PCBP3: variants seen among roughly 807,000 people sequenced by gnomAD.
The protein encoded by PCBP3 is poly(rC)-binding protein 3.
Under a neutral mutation model 52.7 loss-of-function variants are expected in PCBP3, and 25 were observed. The observed-to-expected ratio is 0.47, with a 90% CI of 0.35 to 0.66. The LOEUF (loss-of-function observed/expected upper bound fraction) is 0.66, where lower values mean the gene tolerates loss of function less well. Ranked by LOEUF, PCBP3 falls within the 30% of genes least tolerant of loss-of-function variation. The pLI, the probability that PCBP3 is intolerant of heterozygous loss-of-function variation, is 0.01. For missense variants in PCBP3, 391 were observed against 490.3 expected, an observed-to-expected ratio of 0.80 and a Z score of 1.91; for synonymous variants, 162 against 183.0, an observed-to-expected ratio of 0.89 and a Z score of 0.93.
intron 3 of PCBP3, among the ~76,000 whole-genome samples, chr21:45,740,652 T>C (rs1603361115): frequency 6.6e-6 from 1 of 151,182 alleles, no homozygotes; most frequent in Admixed American, 6.6e-5. Flanking sequence ...TGTGTGTGCA[T>C]GTGTATTTAC....
chr21:45,857,475 C>A (rs2094345516), intron 5 of PCBP3, among the ~76,000 whole-genome samples: 1 of 152,170 alleles, frequency 6.6e-6, no homozygotes, highest in South Asian at 2.1e-4. Flanking sequence ...GCCTGCAGAA[C>A]CCTGAGCCAG....
At chr21:45,771,949 C>T (rs1341463407) in intron 4 of PCBP3, among the ~76,000 whole-genome samples, 1 of 152,080 alleles carries the variant, frequency 6.6e-6, no homozygotes, top group Admixed American at 6.5e-5. Flanking sequence ...ATCTGTATAC[C>T]AGCAACAAAT....
chr21:45,805,671 G>A lies in PCBP3; in HGVS notation c.-125-44290G>A, dbSNP rs1486149350. On this transcript the variant is annotated intron_variant, in intron 4 of 17. Coordinates refer to ENST00000681687, the MANE Select transcript of PCBP3 (RefSeq NM_001384156.1). The surrounding 1 kb of genome is among the most constrained non-coding windows in gnomAD (Gnocchi z 4.6). ...CATTTTCACAGGGAGAGTGTGACTG[G>A]AAGGACCAGCCGTTGCTGCTGGCAG... Among the ~76,000 whole-genome samples, 2 of 152,232 alleles carry A rather than the reference G, an allele frequency of 1.3e-5. No individual in the cohort carries two copies. Among genetic ancestry groups the A allele is most frequent in the Non-Finnish European group, 2.9e-5 (2 of 68,042 alleles).
intron 1 of PCBP3, among the ~76,000 whole-genome samples, chr21:45,660,306 C>T (rs1569086836): frequency 6.6e-6 from 1 of 151,948 alleles, no homozygotes; most frequent in African/African-American, 2.4e-5. Flanking sequence ...CCTTTGGTTA[C>T]TGTTTGCATT....
intron 2 of PCBP3, among the ~76,000 whole-genome samples, chr21:45,678,535 G>A (rs1249213677): frequency 6.6e-6 from 1 of 151,906 alleles, no homozygotes; most frequent in Non-Finnish European, 1.5e-5. Flanking sequence ...TGCCTTTAAG[G>A]GGTTCCATCC....
chr21:45,659,337 CT>C (rs36113182), intron 1 of PCBP3, among the ~76,000 whole-genome samples: 993 of 78,680 alleles, frequency 0.013, 8 homozygotes, highest in African/African-American at 0.04. Flanking sequence ...TTTTACTTTC[CT>C]TTTTTTTTTT....
At chr21:45,798,690 C>T (rs556546313) in intron 4 of PCBP3, among the ~76,000 whole-genome samples, 18 of 149,366 alleles carry the variant, frequency 1.2e-4, no homozygotes, top group Admixed American at 2.7e-4. Context: ...TGGATGAATG[C>T]ATGGATCTGT....
At chr21:45,906,246 G>C (rs2096200918) in intron 9 of PCBP3, among the ~76,000 whole-genome samples, 1 of 152,190 alleles carries the variant, frequency 6.6e-6, no homozygotes, top group South Asian at 2.1e-4. Flanking sequence ...CAGCAAAGTT[G>C]TGTTTCGGTT....
At chr21:45,898,176 G>A (rs747658465) in intron 6 of PCBP3, among the ~76,000 whole-genome samples, 1 of 152,174 alleles carries the variant, frequency 6.6e-6, no homozygotes, top group Admixed American at 6.5e-5. Flanking sequence ...CCAGGTGCAC[G>A]GCCCCATCTC....
At chr21:45,883,632 T>A (rs1296712293) in intron 5 of PCBP3, among the ~76,000 whole-genome samples, 6 of 152,240 alleles carry the variant, frequency 3.9e-5, no homozygotes, top group Non-Finnish European at 7.3e-5. Flanking sequence ...TTATGTAATG[T>A]CCTTCTCTGT....
chr21:45,905,532 T>G (rs540716113), intron 9 of PCBP3, among the ~76,000 whole-genome samples: 27 of 152,238 alleles, frequency 1.8e-4, no homozygotes, highest in Non-Finnish European at 3.4e-4. Flanking sequence ...GGGCTGCCAT[T>G]GCAAAATGCC....
intron 5 of PCBP3, chr21:45,870,873 C>CA (rs1385701743): frequency 6.5e-6 from 1 of 153,178 alleles, no homozygotes; most frequent in African/African-American, 2.4e-5. Context: ...CTTCTTAGGA[C>CA]AGGGAAGTCA....
chr21:45,860,112 C>T lies in PCBP3; in HGVS notation c.10+10017C>T, dbSNP rs570730066. ...AACCTCCTGGACTTCAGTGGGTAACCGAAGGCTCCAGCACGCAGCTTCAGA... is the reference window on the plus strand; with the variant it reads ...AACCTCCTGGACTTCAGTGGGTAACTGAAGGCTCCAGCACGCAGCTTCAGA... On this transcript the variant is annotated intron_variant, in intron 5 of 17. Coordinates refer to ENST00000681687, the MANE Select transcript of PCBP3 (RefSeq NM_001384156.1). Among the ~76,000 whole-genome samples, 951 of 152,252 alleles carry T rather than the reference C, an allele frequency of 6.2e-3. 7 individuals are homozygous for T. Among genetic ancestry groups the T allele is most frequent in the Non-Finnish European group, 8.9e-3 (603 of 68,024 alleles).
intron 5 of PCBP3, among the ~76,000 whole-genome samples, chr21:45,886,625 A>G (rs1327147927): frequency 7.3e-5 from 1 of 13,684 alleles, no homozygotes; most frequent in African/African-American, 3.4e-4. Context: ...AGGAGGCCTC[A>G]TTGCCCCGGG....
chr21:45,793,262 A>T (rs2091726252), intron 4 of PCBP3, among the ~76,000 whole-genome samples: 1 of 152,214 alleles, frequency 6.6e-6, no homozygotes, highest in Non-Finnish European at 1.5e-5. Context: ...CAGAATGGGC[A>T]GCATGAAGAG....
chr21:45,727,997 T>C (rs1188940510), intron 2 of PCBP3, among the ~76,000 whole-genome samples: 1 of 152,206 alleles, frequency 6.6e-6, no homozygotes, highest in Non-Finnish European at 1.5e-5. Context: ...TCCCATTTTG[T>C]TCTCTTTTTC....
chr21:45,707,321 G>C (rs2083514263), intron 2 of PCBP3, among the ~76,000 whole-genome samples: 1 of 152,024 alleles, frequency 6.6e-6, no homozygotes, highest in Non-Finnish European at 1.5e-5. Context: ...TTCAAGACCA[G>C]CCTGGTTAAC....
chr21:45,868,402 T>C (rs2094842094), intron 5 of PCBP3, among the ~76,000 whole-genome samples: 2 of 145,032 alleles, frequency 1.4e-5, no homozygotes, highest in Non-Finnish European at 3.0e-5. Context: ...TTGTGTTGAC[T>C]TATTTGTTCT....
At chr21:45,745,689 C>G (rs1048839960) in intron 3 of PCBP3, among the ~76,000 whole-genome samples, 1 of 152,246 alleles carries the variant, frequency 6.6e-6, no homozygotes, top group Non-Finnish European at 1.5e-5. Context: ...GCTGGGCAGC[C>G]TTGGGCTCAG....
Sources: allele counts gnomAD v4.1 joint callset (sites outside exome capture counted in the v4.1 genomes callset), GRCh38; gene constraint gnomAD v4.1.1; non-coding constraint Gnocchi (gnomAD v3.1); transcripts MANE v1.5; gene names NCBI Gene and HGNC (gene_info 2026-07-23, HGNC 2026-07-21).